The following ZNF726 variants were observed in gnomAD, a reference collection of about 807,000 sequenced individuals.
ZNF726 encodes zinc finger protein 726, also known as zinc finger protein 92 pseudogene 3.
Under a neutral mutation model 11.6 loss-of-function variants are expected in ZNF726, and 15 were observed. That is an observed-to-expected ratio of 1.29 (90% CI 0.86 to 1.99). ZNF726 has a LOEUF of 1.99. ZNF726 is among the 30% of genes most tolerant of loss of function. The probability of loss-of-function intolerance (pLI) is 0.00; values close to 1 mark genes in which losing one functional copy is unlikely to be tolerated. For missense variants in ZNF726, 890 were observed against 725.6 expected, an observed-to-expected ratio of 1.23 and a Z score of -2.60; for synonymous variants, 295 against 243.6, an observed-to-expected ratio of 1.21 and a Z score of -1.96.
intron 3 of ZNF726, among the ~76,000 whole-genome samples, chr19:23,925,866 G>A (rs1351445830): frequency 6.6e-6 from 1 of 151,652 alleles, no homozygotes; most frequent in Non-Finnish European, 1.5e-5. Flanking sequence ...ACAGGCGTGT[G>A]CCACCATGCC....
At chr19:23,943,358 T>C in intron 3 of ZNF726, 2 of 417,624 alleles carry the variant, frequency 4.8e-6, no homozygotes, top group East Asian at 6.6e-5. Context: ...CTAAATATTC[T>C]AAAGGTTCTA....
intron 1 of ZNF726, 64 bp from the exon 2 acceptor site, chr19:23,919,309 A>G (rs765400680): frequency 7.0e-6 from 11 of 1,579,292 alleles, no homozygotes; most frequent in Non-Finnish European, 8.6e-6. Flanking sequence ...TTTTACCTTG[A>G]GTCAAATGAA....
chr19:23,941,240 T>A (rs1968333730), intron 3 of ZNF726, among the ~76,000 whole-genome samples: 1 of 152,148 alleles, frequency 6.6e-6, no homozygotes, highest in Admixed American at 6.5e-5. Flanking sequence ...AAATAATCAT[T>A]TGATTTTTGT....
chr19:23,937,429 G>A (rs111236562), downstream of ZNF726, among the ~76,000 whole-genome samples: 6,979 of 151,426 alleles, frequency 0.046, 223 homozygotes, highest in African/African-American at 0.092. Flanking sequence ...CTTCTCAGAC[G>A]GGGCGGTTGC....
chr19:23,939,485 G>A (rs1273954056), intron 3 of ZNF726, among the ~76,000 whole-genome samples: 5 of 152,072 alleles, frequency 3.3e-5, no homozygotes, highest in African/African-American at 4.8e-5. Context: ...TGGGTTCTCT[G>A]TTCCATTGGT....
intron 1 of ZNF726, among the ~76,000 whole-genome samples, chr19:23,918,183 G>T (rs77678922): frequency 2.8e-3 from 422 of 152,284 alleles, no homozygotes; most frequent in African/African-American, 9.8e-3. Context: ...CTGGCGAGAA[G>T]GTTGTTTACC....
intron 1 of ZNF726, among the ~76,000 whole-genome samples, chr19:23,916,579 C>T (rs1009671743): frequency 5.9e-5 from 9 of 152,180 alleles, no homozygotes; most frequent in Admixed American, 5.9e-4. Flanking sequence ...CATCCTCCTG[C>T]CTCGGCCTCC....
chr19:23,941,618 G>T (rs1271301123), intron 3 of ZNF726, among the ~76,000 whole-genome samples: 1 of 151,878 alleles, frequency 6.6e-6, no homozygotes, highest in Non-Finnish European at 1.5e-5. Context: ...TTTTTTCTTG[G>T]TGATTTTTAA....
rs1968148751 is a variant in ZNF726 at position 23,933,026 on chromosome 19, A to AAGAGGATGCACATTGG, written c.915_930dup (p.Lys311AspfsTer11). 3 of 1,613,234 alleles carry AAGAGGATGCACATTGG rather than the reference A, an allele frequency of 1.9e-6. No individual in the cohort carries two copies. The highest frequency in any genetic ancestry group is 2.5e-6 in the Non-Finnish European group (3 of 1,179,952). On this transcript the variant is annotated frameshift_variant, in exon 4 of 4. Coordinates refer to ENST00000594466, the MANE Select transcript of ZNF726 (RefSeq NM_001244038.2). LOFTEE classifies it low-confidence loss of function (END_TRUNC). ...CCAACCCTCAGCACTAACCATACATAAGAGGATGCACATTGGAGAGAAACC... is the reference window on the plus strand; with the variant it reads ...CCAACCCTCAGCACTAACCATACATAAGAGGATGCACATTGGAGAGGATGCACATTGGAGAGAAACC...
Position 23,933,467 on chromosome 19 carries a change from A to T in ZNF726, c.1351A>T (p.Lys451Ter). 2.5e-6 allele frequency: 4 copies of T among 1,612,632 alleles called. No homozygotes were observed. Among genetic ancestry groups the T allele is most frequent in the Non-Finnish European group, 3.4e-6 (4 of 1,179,652 alleles). Residue 451 changes from lysine to a stop codon, truncating the protein, a stop_gained, in exon 4 of 4, where the codon AAA (lysine) becomes TAA (stop). Transcript: ENST00000594466. LOFTEE classifies it low-confidence loss of function (END_TRUNC). ...TEHKKIHTRE[K>*]PYKCEECSKA... ...ACATAAGAAAATTCATACTAGAGAG[A>T]AACCCTACAAATGTGAAGAATGTAG... is the stretch of plus-strand genomic sequence containing the variant.
intron 1 of ZNF726, chr19:23,919,068 C>A: frequency 4.5e-6 from 1 of 220,940 alleles, no homozygotes; most frequent in Non-Finnish European, 8.9e-6. Context: ...AAAATATACA[C>A]AACTCATTCA....
chr19:23,925,484 G>A (rs1967962936), intron 3 of ZNF726, among the ~76,000 whole-genome samples: 1 of 151,900 alleles, frequency 6.6e-6, no homozygotes, highest in Non-Finnish European at 1.5e-5. Flanking sequence ...GAGCCACCAC[G>A]CCCGGCCAAG....
At chr19:23,937,288 C>A (rs1339884607), downstream of ZNF726, among the ~76,000 whole-genome samples, 2 of 151,652 alleles carry the variant, frequency 1.3e-5, no homozygotes, top group East Asian at 2.0e-4. Flanking sequence ...GGGGGCTGAC[C>A]CCCCCACCTC....
In ZNF726 at chr19:23,934,239, G is replaced by T. The variant is rs1465453873; in HGVS notation, c.*272G>T. The T allele has an allele frequency of 1.5e-6, 1 of 682,226 alleles. No individual in the cohort carries two copies. Among genetic ancestry groups the T allele is most frequent in the South Asian group, 1.4e-5 (1 of 70,790 alleles). 42.3% of individuals were successfully genotyped at this position (682,226 alleles called of 1,614,324 possible). A position where few individuals can be genotyped will look rare whatever the true frequency, so the allele number is the denominator to read the frequency against. Reference sequence around the variant, plus strand: ...TAAACCCTACAAATGTGAAAAATGTGGCAAAGCATATGGTCCACACCCCTA... The same window carrying T: ...TAAACCCTACAAATGTGAAAAATGTTGCAAAGCATATGGTCCACACCCCTA... On this transcript the variant is annotated 3_prime_UTR_variant, in exon 4 of 4. Transcript: ENST00000594466.
rs117059537 is a variant in ZNF726 at position 23,932,549 on chromosome 19, T to C, written c.433T>C (p.Ser145Pro). ...QCFTTTQGKA[S>P]QCGKYLKVFY... ...TTTCACAACTACCCAGGGCAAAGCT[T>C]CTCAATGTGGTAAATATTTGAAAGT... Residue 145 changes from serine (S) to proline (P), a missense_variant, in exon 4 of 4, where the codon TCT becomes CCT. Transcript: ENST00000594466. 5,266 of 1,589,680 alleles carry C rather than the reference T, an allele frequency of 3.3e-3. 13 individuals carry two copies. The highest frequency in any genetic ancestry group is 3.8e-3 in the Non-Finnish European group (4,457 of 1,171,604).
At chr19:23,915,636 A>C (rs1009973549) in intron 1 of ZNF726, among the ~76,000 whole-genome samples, 1 of 151,746 alleles carries the variant, frequency 6.6e-6, no homozygotes, top group African/African-American at 2.4e-5. Context: ...GCTGAAGTGC[A>C]GTTTCGTGAT....
In ZNF726 at chr19:23,932,441, G is replaced by A; in HGVS notation, c.325G>A (p.Glu109Lys). 1 of 1,573,290 alleles carries A rather than the reference G, an allele frequency of 6.4e-7. No homozygotes were observed. Among genetic ancestry groups the A allele is most frequent in the Non-Finnish European group, 8.6e-7 (1 of 1,163,426 alleles). ...ILRRFEKCGH[E>K]NLQLRKGCKS... ...AAGAAGATTTGAAAAATGTGGACAT[G>A]AGAATTTACAGTTAAGAAAAGGTTG... Residue 109 changes from glutamate to lysine, a missense_variant, in exon 4 of 4, where the codon GAG (glutamate) becomes AAG (lysine). Transcript: ENST00000594466.
chr19:23,932,860 G>T lies in ZNF726; in HGVS notation c.744G>T (p.Lys248Asn), dbSNP rs1362183805. Residue 248 changes from lysine to asparagine, a missense_variant, in exon 4 of 4, where the codon AAG (lysine) becomes AAT (asparagine). By Grantham distance (94) the Lys-to-Asn change is moderately conservative (BLOSUM62 0). Coordinates refer to ENST00000594466, the MANE Select transcript of ZNF726 (RefSeq NM_001244038.2). ...AATCCTCAAATTATACTACACATAA[G>T]GTAACTCATACTGGAGAGAAGCCTT... ...FNQSSNYTTHKVTHTGEKPYK... is the reference protein window; with the variant it reads ...FNQSSNYTTHNVTHTGEKPYK... The T allele has an allele frequency of 6.2e-7, 1 of 1,607,942 alleles. No homozygotes were observed. The highest frequency in any genetic ancestry group is 8.5e-7 in the Non-Finnish European group (1 of 1,177,416).
In ZNF726 at chr19:23,932,864, ACT is replaced by A. The variant is rs1405316610; in HGVS notation, c.750_751del (p.His251TyrfsTer9). On this transcript the variant is annotated frameshift_variant, in exon 4 of 4. Transcript: ENST00000594466. LOFTEE classifies it low-confidence loss of function (END_TRUNC). The part of the protein sequence containing the change: ...QSSNYTTHKV[T>X]HTGEKPYKCE... ...CTCAAATTATACTACACATAAGGTA[ACT>A]CATACTGGAGAGAAGCCTTACAAGT... The A allele has an allele frequency of 1.9e-6, 3 of 1,608,446 alleles. No individual in the cohort carries two copies. The highest frequency in any genetic ancestry group is 2.5e-6 in the Non-Finnish European group (3 of 1,177,642).
Sources: allele counts gnomAD v4.1 joint callset (sites outside exome capture counted in the v4.1 genomes callset), GRCh38; gene constraint gnomAD v4.1.1; transcripts MANE v1.5; gene names NCBI Gene and HGNC (gene_info 2026-07-23, HGNC 2026-07-21).